The following MCPH1 variants were observed in gnomAD, a reference collection of about 807,000 sequenced individuals.
The protein encoded by MCPH1 is microcephalin 1, also known as microcephalin.
A neutral mutation model predicts 84.5 loss-of-function variants in MCPH1; 104 were observed. The observed-to-expected ratio is 1.23, with a 90% CI of 1.05 to 1.45. MCPH1 has a LOEUF of 1.45. MCPH1 is among the 40% of genes most tolerant of loss of function. The probability of loss-of-function intolerance (pLI) is 0.00; values close to 1 mark genes in which losing one functional copy is unlikely to be tolerated. For missense variants in MCPH1, 1,498 were observed against 1,005.7 expected, an observed-to-expected ratio of 1.49 and a Z score of -6.62; for synonymous variants, 514 against 366.8, an observed-to-expected ratio of 1.40 and a Z score of -4.58.
chr8:6,408,232 TAG>T (rs1479759403), intron 1 of MCPH1, among the ~76,000 whole-genome samples: 1 of 152,202 alleles, frequency 6.6e-6, no homozygotes, highest in East Asian at 1.9e-4. Context: ...AGGCTTTCAG[TAG>T]AAATTTATTT....
At chr8:6,460,482 C>T (rs1318885384) in intron 9 of MCPH1, among the ~76,000 whole-genome samples, 1 of 152,132 alleles carries the variant, frequency 6.6e-6, no homozygotes, top group African/African-American at 2.4e-5. Flanking sequence ...TCCCAGGGTA[C>T]TGGGATTACA....
rs111398841 is a variant in MCPH1, at chr8:6,563,139, T to C, written c.2215-58315T>C. On this transcript the variant is annotated intron_variant, in intron 12 of 13. Transcript: ENST00000344683. Reference sequence around the variant, plus strand: ...TCCAGGCATGCAGTAAACTGTCAGATTGCAGTGGGAAGAACAGTCCTGCTC... The same window carrying C: ...TCCAGGCATGCAGTAAACTGTCAGACTGCAGTGGGAAGAACAGTCCTGCTC... The C allele has an allele frequency of 1.4e-3, 701 of 502,396 alleles. 6 individuals are homozygous for C. The highest frequency in any genetic ancestry group is 0.011 in the African/African-American group (568 of 52,524). 31.1% of individuals were successfully genotyped at this position (502,396 alleles called of 1,614,324 possible).
At chr8:6,421,786 C>T (rs952878683) in intron 3 of MCPH1, among the ~76,000 whole-genome samples, 1 of 152,150 alleles carries the variant, frequency 6.6e-6, no homozygotes, top group African/African-American at 2.4e-5. Flanking sequence ...GTCCAGTGTG[C>T]TGCATGATGG....
At chr8:6,610,985 G>C (rs1004728298) in intron 12 of MCPH1, among the ~76,000 whole-genome samples, 1 of 152,040 alleles carries the variant, frequency 6.6e-6, no homozygotes, top group African/African-American at 2.4e-5. Context: ...CCTCTACTCA[G>C]ATGTCTCCCA....
chr8:6,625,580 T>C, intron 13 of MCPH1: 1 of 984,904 alleles, frequency 1.0e-6, no homozygotes, highest in East Asian at 1.1e-4. Flanking sequence ...AAAAAATCAA[T>C]TAAATTTATT....
rs560870009 is a variant in MCPH1, at chr8:6,522,452, C to A, written c.2214+22523C>A. Among the ~76,000 whole-genome samples the A allele has an allele frequency of 1.2e-4, 18 of 152,074 alleles. No homozygotes were observed. In the South Asian group the frequency reaches 3.7e-3, roughly 32 times the overall value. ...TAACGTTAATATAGACATTATTATT[C>A]CCATTTCCAATGAGGAAATTGAAAC... On this transcript the variant is annotated intron_variant, in intron 12 of 13. Coordinates refer to ENST00000344683, the MANE Select transcript of MCPH1 (RefSeq NM_024596.5).
chr8:6,433,896 C>G (rs1802244479), intron 4 of MCPH1, among the ~76,000 whole-genome samples: 1 of 152,058 alleles, frequency 6.6e-6, no homozygotes, highest in African/African-American at 2.4e-5. Flanking sequence ...TGCTGCCTGC[C>G]TGCCCAGCTT....
chr8:6,457,466 C>T (rs953743817), intron 9 of MCPH1, among the ~76,000 whole-genome samples: 1 of 151,656 alleles, frequency 6.6e-6, no homozygotes, highest in African/African-American at 2.4e-5. Context: ...TTGGCCAGGC[C>T]TGGTGGTGGG....
Position 6,629,281 on chromosome 8 carries a change from G to T in MCPH1, c.2452+7590G>T, listed in dbSNP as rs138153242. 3.1e-3 allele frequency among the ~76,000 whole-genome samples: 470 copies of T among 152,224 alleles called. 3 individuals carry two copies. Among genetic ancestry groups the T allele is most frequent in the African/African-American group, 0.011 (438 of 41,536 alleles). On this transcript the variant is annotated intron_variant, in intron 13 of 13. Coordinates refer to ENST00000344683, the MANE Select transcript of MCPH1 (RefSeq NM_024596.5). ...AGTTTGGGACCAGTGTGTCCAACATGGTGAAACCCCGTCTCTACTAAAAAT... is the reference window on the plus strand; with the variant it reads ...AGTTTGGGACCAGTGTGTCCAACATTGTGAAACCCCGTCTCTACTAAAAAT...
chr8:6,506,978 A>T (rs1432324937), intron 12 of MCPH1, among the ~76,000 whole-genome samples: 1 of 151,906 alleles, frequency 6.6e-6, no homozygotes, highest in Admixed American at 6.6e-5. Flanking sequence ...GCTCATTGCA[A>T]ACTCTGTCTC....
intron 12 of MCPH1, among the ~76,000 whole-genome samples, chr8:6,574,169 T>A (rs1826877115): frequency 6.6e-6 from 1 of 152,206 alleles, no homozygotes; most frequent in Non-Finnish European, 1.5e-5. Flanking sequence ...TGCGGTACAA[T>A]GTGCCACAAA....
intron 11 of MCPH1, among the ~76,000 whole-genome samples, chr8:6,485,799 T>G (rs1370177751): frequency 3.3e-5 from 5 of 152,064 alleles, no homozygotes; most frequent in African/African-American, 1.2e-4. Flanking sequence ...CATATATAAA[T>G]GACACAAACA....
chr8:6,468,967 T>TA (rs1175568398), intron 9 of MCPH1, among the ~76,000 whole-genome samples: 12 of 152,104 alleles, frequency 7.9e-5, no homozygotes, highest in African/African-American at 2.7e-4. Flanking sequence ...GGCAGGAGGA[T>TA]CGCTTGAGGC....
intron 10 of MCPH1, 33 bp downstream of exon 10, chr8:6,477,664 A>C: frequency 6.3e-7 from 1 of 1,590,160 alleles, no homozygotes. Flanking sequence ...GTTCAATGTA[A>C]AATGTTAACC....
At chr8:6,502,991 A>T in intron 12 of MCPH1, 1 of 1,318,060 alleles carries the variant, frequency 7.6e-7, no homozygotes, top group Non-Finnish European at 1.1e-6. Flanking sequence ...AGCACCGAGC[A>T]CACGCCCTCT....
chr8:6,633,281 T>C (rs549024482), intron 13 of MCPH1, among the ~76,000 whole-genome samples: 6 of 152,182 alleles, frequency 3.9e-5, no homozygotes, highest in African/African-American at 1.4e-4. Flanking sequence ...GTTGTCTACA[T>C]AGAAACATCA....
chr8:6,631,735 T>C (rs1013642927), intron 13 of MCPH1, among the ~76,000 whole-genome samples: 3 of 151,668 alleles, frequency 2.0e-5, no homozygotes, highest in African/African-American at 7.3e-5. Context: ...TCATGTAATG[T>C]TGGGAATGTA....
At chr8:6,605,908 G>A (rs1405038117) in intron 12 of MCPH1, among the ~76,000 whole-genome samples, 1 of 152,096 alleles carries the variant, frequency 6.6e-6, no homozygotes, top group Non-Finnish European at 1.5e-5. Flanking sequence ...TGTTGGCCAG[G>A]CTGGTCTCGA....
chr8:6,505,776 CTT>C (rs61248359), intron 12 of MCPH1, among the ~76,000 whole-genome samples: 6,896 of 126,840 alleles, frequency 0.054, 283 homozygotes, highest in African/African-American at 0.067. Flanking sequence ...TATATATATT[CTT>C]TATATATGTA....
Sources: gnomAD v4.1 joint callset for allele counts (sites outside exome capture counted in the v4.1 genomes callset) on GRCh38, gnomAD v4.1.1 for gene constraint, MANE v1.5 for transcripts, NCBI Gene and HGNC (gene_info 2026-07-23, HGNC 2026-07-21) for gene names.